The following PPWD1 variants were observed in gnomAD, a reference collection of about 807,000 sequenced individuals.
PPWD1 encodes the protein peptidylprolyl isomerase domain and WD repeat-containing protein 1.
A neutral mutation model predicts 68.8 loss-of-function variants in PPWD1; 43 were observed. That is an observed-to-expected ratio of 0.62 (90% CI 0.49 to 0.81). The LOEUF is 0.81. PPWD1 is among the 30% of genes least tolerant of loss of function. The pLI, the probability that PPWD1 is intolerant of heterozygous loss-of-function variation, is 0.00. For synonymous variants in PPWD1, 232 were observed against 258.7 expected (o/e 0.90, Z 0.99); for missense variants, 672 against 804.8 (o/e 0.83, Z 2.00).
At chr5:65,582,641 C>T (rs944915908) in intron 7 of PPWD1, 15 of 157,832 alleles carry the variant, frequency 9.5e-5, no homozygotes, top group African/African-American at 3.1e-4. Context: ...TCCCCAAAGT[C>T]GCAGAACTGG....
chr5:65,565,879 AGAAT>A (rs1266283558), intron 1 of PPWD1, among the ~76,000 whole-genome samples: 1 of 152,084 alleles, frequency 6.6e-6, no homozygotes, highest in East Asian at 1.9e-4. Context: ...AAACATACAT[AGAAT>A]GTTACAAAAA....
At chr5:65,580,005 C>A (rs1403752680) in intron 7 of PPWD1, among the ~76,000 whole-genome samples, 3 of 152,120 alleles carry the variant, frequency 2.0e-5, no homozygotes, top group Non-Finnish European at 4.4e-5. Context: ...TCTCTAAATG[C>A]ATTTCCTTTT....
At position 65,569,998 on chromosome 5, in the gene PPWD1, G is replaced by A. The variant is rs1408028604; in HGVS notation, c.521G>A (p.Gly174Asp). 2 of 1,608,298 alleles carry A rather than the reference G, an allele frequency of 1.2e-6. No individual in the cohort carries two copies. Among genetic ancestry groups the A allele is most frequent in the Non-Finnish European group, 1.7e-6 (2 of 1,176,712 alleles). The change falls in exon 4 of 11, where the codon GGC becomes GAC. Residue 174 changes from glycine (G) to aspartate (D), a missense_variant and splice_region_variant. Gly to Asp is a moderately conservative substitution (Grantham distance 94). Around this residue, in one of 2 missense-constraint regions of PPWD1, gnomAD observed 484 missense variants for 646.2 expected, o/e 0.75. Transcript: ENST00000261308. Reference protein sequence around the residue: ...NFDMINMLKLGYFPGQCEWIY... With the variant: ...NFDMINMLKLDYFPGQCEWIY... ...GACATGATCAACATGCTGAAACTTG[G>A]GTGAGTCTTTTTAAAAGTATATATA...
At chr5:65,564,474 G>C (rs1427021346) in intron 1 of PPWD1, among the ~76,000 whole-genome samples, 1 of 151,866 alleles carries the variant, frequency 6.6e-6, no homozygotes, top group Non-Finnish European at 1.5e-5. Context: ...GGCTACAGGC[G>C]CACGCCCAGC....
chr5:65,570,058 T>A (rs928133769), intron 4 of PPWD1, 60 bp downstream of exon 4: 36 of 1,454,464 alleles, frequency 2.5e-5, no homozygotes, highest in Admixed American at 1.3e-4. Context: ...AAATCAGACT[T>A]TACCATTTAA....
rs1753502405 is a variant in PPWD1, at chr5:65,579,523, A to T, written c.1260A>T (p.Glu420Asp). 6.2e-7 allele frequency: 1 copy of T among 1,611,316 alleles called. No homozygotes were observed. Among genetic ancestry groups the T allele is most frequent in the South Asian group, 1.1e-5 (1 of 90,412 alleles). Reference sequence around the variant, plus strand: ...AGCATCGTGCTGCAACTACTATAGAAATGAAAGCTTCTGAAAATCCTGTTC... The same window carrying T: ...AGCATCGTGCTGCAACTACTATAGATATGAAAGCTTCTGAAAATCCTGTTC... The part of the protein sequence containing the change: ...AKKHRAATTI[E>D]MKASENPVLQ... Residue 420 changes from glutamate (E) to aspartate (D), a missense_variant, in exon 7 of 11, where the codon GAA (glutamate) becomes GAT (aspartate). Coordinates refer to ENST00000261308, the MANE Select transcript of PPWD1 (RefSeq NM_015342.4).
In PPWD1 at chr5:65,571,985, C is replaced by T. The variant is rs145865216; in HGVS notation, c.668C>T (p.Thr223Ile). ...QPLHIFDKLHTSPLTQIRLNP... is the reference protein window; with the variant it reads ...QPLHIFDKLHISPLTQIRLNP... ...CTTCATATTTTTGACAAACTCCATA[C>T]ATCACCTCTTACTCAGATACGGCTA... Residue 223 changes from threonine to isoleucine, a missense_variant, in exon 5 of 11, where the codon ACA becomes ATA. Around this residue, in one of 2 missense-constraint regions of PPWD1, gnomAD observed 484 missense variants for 646.2 expected, o/e 0.75. Coordinates refer to ENST00000261308, the MANE Select transcript of PPWD1 (RefSeq NM_015342.4). The T allele has an allele frequency of 1.1e-5, 18 of 1,613,812 alleles. No homozygotes were observed. In the African/African-American group the frequency reaches 2.4e-4, roughly 22 times the overall value.
rs187476839 is a variant in PPWD1, at chr5:65,587,010, C to T, written c.1798-243C>T. ...TACCTTTAGGGAAGATCTTCCAGTT[C>T]CCTTTGGTCTGAAAGATGCAGATAT... On this transcript the variant is annotated intron_variant, in intron 10 of 10. Coordinates refer to ENST00000261308, the MANE Select transcript of PPWD1 (RefSeq NM_015342.4). Among the ~76,000 whole-genome samples the T allele has an allele frequency of 1.4e-4, 21 of 152,214 alleles. No homozygotes were observed. In the East Asian group the frequency reaches 3.9e-3, roughly 28 times the overall value.
At chr5:65,585,961 A>T (rs1581167914) in intron 9 of PPWD1, 38 bp from the exon 10 acceptor site, 1 of 1,598,750 alleles carries the variant, frequency 6.3e-7, no homozygotes, top group East Asian at 2.2e-5. Flanking sequence ...CATATATCGA[A>T]AAGGACAATG....
In PPWD1 at chr5:65,572,031, A is replaced by G. The variant is rs1428280977; in HGVS notation, c.714A>G (p.Val238=). 1 of 1,614,098 alleles carries G rather than the reference A, an allele frequency of 6.2e-7. No individual in the cohort carries two copies. The change falls in exon 5 of 11, where the codon GTA becomes GTG. Residue 238 remains valine, a synonymous_variant. Transcript: ENST00000261308. The part of the protein sequence containing the change: ...QIRLNPVYKA[V]VSSDKSGMIE... ...GGCTAAACCCAGTTTACAAAGCAGT[A>G]GTGTCTTCTGACAAATCTGGGATGA...
At chr5:65,571,543 G>C (rs1377891793) in intron 4 of PPWD1, among the ~76,000 whole-genome samples, 1 of 152,188 alleles carries the variant, frequency 6.6e-6, no homozygotes, top group African/African-American at 2.4e-5. Context: ...TTAAGGTCCA[G>C]ATCTGATTAG....
intron 8 of PPWD1, among the ~76,000 whole-genome samples, chr5:65,583,479 T>G (rs1753688853): frequency 6.6e-6 from 1 of 152,172 alleles, no homozygotes; most frequent in African/African-American, 2.4e-5. Flanking sequence ...AACTGTAAAG[T>G]GATACACAAA....
At position 65,572,130 on chromosome 5, in the gene PPWD1, T is replaced by C. The variant is rs978340192; in HGVS notation, c.813T>C (p.Thr271=). 3 of 1,613,848 alleles carry C rather than the reference T, an allele frequency of 1.9e-6. No individual in the cohort carries two copies. Among genetic ancestry groups the C allele is most frequent in the African/African-American group, 2.7e-5 (2 of 74,896 alleles). The change falls in exon 5 of 11, where the codon ACT becomes ACC. Residue 271 remains threonine (T), a synonymous_variant. Transcript: ENST00000261308. ...TGAACTGGGAATATAAAACTGACAC[T>C]GATTTATATGAATTTGCCAAGTGTA... ...KNVNWEYKTD[T]DLYEFAKCKA...
At chr5:65,580,822 C>T (rs1435793419) in intron 7 of PPWD1, among the ~76,000 whole-genome samples, 1 of 152,134 alleles carries the variant, frequency 6.6e-6, no homozygotes, top group Non-Finnish European at 1.5e-5. Context: ...CCTGGAAGCC[C>T]TTTTTAACAT....
chr5:65,564,041 A>C, intron 1 of PPWD1: 1 of 546,434 alleles, frequency 1.8e-6, no homozygotes, highest in South Asian at 2.4e-5. Flanking sequence ...ATTTGTTTTC[A>C]TCCAAAACCC....
Position 65,571,820 on chromosome 5 carries a change from C to G in PPWD1, c.522-19C>G. On this transcript the variant is annotated intron_variant, in intron 4 of 10. Coordinates refer to ENST00000261308, the MANE Select transcript of PPWD1 (RefSeq NM_015342.4). ...TGTGCTGACCTTTTTTTTTCCCTCT[C>G]AATTCTTTACGATTTTAGCTATTTT... 6.2e-7 allele frequency: 1 copy of G among 1,602,128 alleles called. No homozygotes were observed. Among genetic ancestry groups the G allele is most frequent in the Non-Finnish European group, 8.5e-7 (1 of 1,174,028 alleles).
At chr5:65,583,731 T>C (rs1446180796) in intron 8 of PPWD1, among the ~76,000 whole-genome samples, 2 of 151,770 alleles carry the variant, frequency 1.3e-5, no homozygotes, top group African/African-American at 4.8e-5. Flanking sequence ...GGAAGATCAG[T>C]GGAGGCCAGC....
chr5:65,564,131 A>T (rs2150584617), intron 1 of PPWD1, among the ~76,000 whole-genome samples: 1 of 152,296 alleles, frequency 6.6e-6, no homozygotes, highest in South Asian at 2.1e-4. Flanking sequence ...ATCACAAATT[A>T]TTATCAAATA....
At chr5:65,583,886 A>C (rs747245806) in intron 8 of PPWD1, among the ~76,000 whole-genome samples, 8 of 152,164 alleles carry the variant, frequency 5.3e-5, no homozygotes, top group Non-Finnish European at 1.0e-4. Flanking sequence ...CAGGAGTTTG[A>C]GGCTGCAGTT....
Sources: allele counts gnomAD v4.1 joint callset (sites outside exome capture counted in the v4.1 genomes callset), GRCh38; gene constraint gnomAD v4.1.1; regional missense constraint gnomAD v4.1.1; transcripts MANE v1.5; gene names NCBI Gene and HGNC (gene_info 2026-07-23, HGNC 2026-07-21).